Variants in KCNAB1 observed in about 807,000 individuals in gnomAD.
The protein encoded by KCNAB1 is voltage-gated potassium channel subunit beta-1.
A neutral mutation model predicts 64.6 loss-of-function variants in KCNAB1; 35 were observed. The ratio of observed to expected loss-of-function variants is 0.54; its 90% CI spans 0.41 to 0.72. The LOEUF (loss-of-function observed/expected upper bound fraction) is 0.72. KCNAB1 is among the 30% of genes least tolerant of loss of function. The pLI, the probability that KCNAB1 is intolerant of heterozygous loss-of-function variation, is 0.00. For synonymous variants in KCNAB1, 177 were observed against 183.8 expected, an observed-to-expected ratio of 0.96 and a Z score of 0.30; for missense variants, 401 against 512.9, an observed-to-expected ratio of 0.78 and a Z score of 2.11.
intron 1 of KCNAB1, among the ~76,000 whole-genome samples, chr3:156,140,528 T>C (rs1320340343): frequency 1.3e-5 from 2 of 152,130 alleles, no homozygotes; most frequent in Non-Finnish European, 2.9e-5. Flanking sequence ...TTAATCCTAT[T>C]CTGAGGGCTC....
chr3:156,126,372 G>T (rs1713655744), intron 1 of KCNAB1, among the ~76,000 whole-genome samples: 1 of 152,158 alleles, frequency 6.6e-6, no homozygotes, highest in South Asian at 2.1e-4. Context: ...GATAGTTGAA[G>T]TCTGTAGTAG....
At chr3:156,194,171 A>C (rs926938500) in intron 1 of KCNAB1, among the ~76,000 whole-genome samples, 2 of 151,512 alleles carry the variant, frequency 1.3e-5, no homozygotes, top group Non-Finnish European at 2.9e-5. Flanking sequence ...TATAGTTATT[A>C]CTTCTCATGC....
chr3:156,458,506 G>T (rs564510554), intron 4 of KCNAB1, among the ~76,000 whole-genome samples: 14 of 152,308 alleles, frequency 9.2e-5, no homozygotes, highest in Admixed American at 7.8e-4. Flanking sequence ...TGCTGGACTT[G>T]CTGAATCAGG....
chr3:156,392,455 C>T (rs1713115054), intron 1 of KCNAB1, among the ~76,000 whole-genome samples: 1 of 152,206 alleles, frequency 6.6e-6, no homozygotes, highest in Non-Finnish European at 1.5e-5. Context: ...GTTTATCACT[C>T]ACTTACTAAT....
At chr3:156,216,405 G>T (rs1715321897) in intron 1 of KCNAB1, among the ~76,000 whole-genome samples, 1 of 152,174 alleles carries the variant, frequency 6.6e-6, no homozygotes, top group Non-Finnish European at 1.5e-5. Flanking sequence ...AACCTTGGGT[G>T]GTCCTGGGCT....
At chr3:156,162,035 G>T (rs187588995) in intron 1 of KCNAB1, among the ~76,000 whole-genome samples, 1 of 152,130 alleles carries the variant, frequency 6.6e-6, no homozygotes, top group African/African-American at 2.4e-5. Flanking sequence ...GAATTTTTTG[G>T]TCTTGATATT....
Position 156,501,711 on chromosome 3 carries a change from C to T in KCNAB1, c.659-12653C>T, listed in dbSNP as rs536675466. 4.6e-5 allele frequency among the ~76,000 whole-genome samples: 7 copies of T among 152,198 alleles called. No homozygotes were observed. In the East Asian group the frequency reaches 9.6e-4, roughly 21 times the overall value. On this transcript the variant is annotated intron_variant, in intron 8 of 13. Coordinates refer to ENST00000490337, the MANE Select transcript of KCNAB1 (RefSeq NM_172160.3). ...CCTCCCAAAGTGCAGGGATTACAGG[C>T]GTGAGCCACTGCGCCCGGCCTGACT...
At chr3:156,371,704 C>T (rs948644368) in intron 1 of KCNAB1, among the ~76,000 whole-genome samples, 2 of 151,912 alleles carry the variant, frequency 1.3e-5, no homozygotes, top group African/African-American at 4.8e-5. Flanking sequence ...TTAGTAAAAA[C>T]CAATTAAATC....
intron 1 of KCNAB1, among the ~76,000 whole-genome samples, chr3:156,350,387 A>G (rs1178464240): frequency 6.6e-6 from 1 of 152,172 alleles, no homozygotes; most frequent in Non-Finnish European, 1.5e-5. Flanking sequence ...CATCTCTACA[A>G]AAAATAAAAA....
chr3:156,277,501 T>A (rs1719410637), intron 1 of KCNAB1, among the ~76,000 whole-genome samples: 2 of 152,164 alleles, frequency 1.3e-5, no homozygotes, highest in South Asian at 4.1e-4. Context: ...CCTGTATTTG[T>A]TCTTCTGTTT....
At chr3:156,166,375 CATTTGAAAACAA>C (rs1258959753) in intron 1 of KCNAB1, among the ~76,000 whole-genome samples, 1 of 152,086 alleles carries the variant, frequency 6.6e-6, no homozygotes, top group Non-Finnish European at 1.5e-5. Flanking sequence ...GCAGAGGATG[CATTTGAAAACAA>C]ACAGTAATAT....
At chr3:156,246,177 TA>T (rs1362930905) in intron 1 of KCNAB1, among the ~76,000 whole-genome samples, 3 of 152,200 alleles carry the variant, frequency 2.0e-5, no homozygotes, top group African/African-American at 7.2e-5. Context: ...CTCAGATAAT[TA>T]AATTGCCCCA....
intron 1 of KCNAB1, among the ~76,000 whole-genome samples, chr3:156,404,988 A>G (rs896462497): frequency 1.3e-5 from 2 of 152,226 alleles, no homozygotes; most frequent in African/African-American, 4.8e-5. Flanking sequence ...TCAGTTATAA[A>G]CTTTAGACAA....
intron 1 of KCNAB1, among the ~76,000 whole-genome samples, chr3:156,139,004 C>T (rs1401459350): frequency 6.6e-6 from 1 of 152,158 alleles, no homozygotes; most frequent in African/African-American, 2.4e-5. Flanking sequence ...TGTGATTGCA[C>T]AGTACTTAAA....
intron 1 of KCNAB1, among the ~76,000 whole-genome samples, chr3:156,259,772 T>C (rs928964400): frequency 6.6e-6 from 1 of 152,308 alleles, no homozygotes; most frequent in Non-Finnish European, 1.5e-5. Context: ...CACTGCTCAG[T>C]ATCAGCTCTC....
chr3:156,417,562 G>A (rs960030184), intron 1 of KCNAB1, among the ~76,000 whole-genome samples: 2 of 152,132 alleles, frequency 1.3e-5, no homozygotes, highest in Admixed American at 6.5e-5. Flanking sequence ...TACGTACATC[G>A]AGAAACAAGC....
intron 1 of KCNAB1, among the ~76,000 whole-genome samples, chr3:156,311,577 C>T (rs9864598): frequency 0.022 from 3,334 of 152,194 alleles, 109 homozygotes; most frequent in African/African-American, 0.075. Context: ...TGCACCCATG[C>T]GCAGACCTGG....
At chr3:156,323,886 CT>C (rs1016884661) in intron 1 of KCNAB1, among the ~76,000 whole-genome samples, 2 of 152,102 alleles carry the variant, frequency 1.3e-5, no homozygotes, top group Non-Finnish European at 1.5e-5. Flanking sequence ...ATGGAAATGG[CT>C]TTTATTAAGT....
At chr3:156,218,801 A>AT (rs1553822949) in intron 1 of KCNAB1, among the ~76,000 whole-genome samples, 3,416 of 112,252 alleles carry the variant, frequency 0.03, 210 homozygotes, top group African/African-American at 0.11. Flanking sequence ...AAAAAAAAAA[A>AT]AATAATAATA....
Sources: gnomAD v4.1 joint callset for allele counts (sites outside exome capture counted in the v4.1 genomes callset) on GRCh38, gnomAD v4.1.1 for gene constraint, MANE v1.5 for transcripts, NCBI Gene and HGNC (gene_info 2026-07-23, HGNC 2026-07-21) for gene names.